The following VMP1 variants were observed in gnomAD, a reference collection of about 807,000 sequenced individuals.
VMP1 encodes the protein vacuole membrane protein 1.
Under a neutral mutation model 56.0 loss-of-function variants are expected in VMP1, and 11 were observed. The ratio of observed to expected loss-of-function variants is 0.20; its 90% CI spans 0.12 to 0.32. VMP1 has a LOEUF of 0.32. VMP1 is among the 10% of genes least tolerant of loss of function. VMP1 has a pLI of 1.00. For synonymous variants in VMP1, 149 were observed against 165.0 expected (o/e 0.90, Z 0.74); for missense variants, 296 against 490.3 (o/e 0.60, Z 3.74).
At chr17:59,740,515 G>C (rs1488015452) in intron 5 of VMP1, among the ~76,000 whole-genome samples, 1 of 152,298 alleles carries the variant, frequency 6.6e-6, no homozygotes, top group Middle Eastern at 3.4e-3. Flanking sequence ...GCTTGGCTCA[G>C]AAGGGTACTG....
At chr17:59,713,465 AGAAATACAAATACGG>A (rs2034013731) in intron 1 of VMP1, among the ~76,000 whole-genome samples, 1 of 152,136 alleles carries the variant, frequency 6.6e-6, no homozygotes, top group African/African-American at 2.4e-5. Context: ...GGTCAAAACC[AGAAATACAAATACGG>A]GATAGTATTT....
At chr17:59,777,666 T>G (rs1408185335) in intron 7 of VMP1, among the ~76,000 whole-genome samples, 1 of 151,926 alleles carries the variant, frequency 6.6e-6, no homozygotes, top group Non-Finnish European at 1.5e-5. Flanking sequence ...ATAAACAAAT[T>G]AGCTGGGTGT....
chr17:59,759,700 G>A (rs879478827), intron 5 of VMP1, among the ~76,000 whole-genome samples: 5 of 151,950 alleles, frequency 3.3e-5, no homozygotes, highest in Admixed American at 6.6e-5. Flanking sequence ...TATAGACAGC[G>A]TGTACTAATC....
intron 7 of VMP1, among the ~76,000 whole-genome samples, chr17:59,782,349 T>C (rs1265522354): frequency 1.3e-5 from 2 of 152,226 alleles, no homozygotes; most frequent in Non-Finnish European, 2.9e-5. Flanking sequence ...TCCAACACTA[T>C]TTTCCAAGTG....
intron 7 of VMP1, among the ~76,000 whole-genome samples, chr17:59,796,672 AT>A (rs1263722706): frequency 6.6e-6 from 1 of 152,220 alleles, no homozygotes; most frequent in Non-Finnish European, 1.5e-5. Context: ...AAAACTTAGC[AT>A]TTAAAATATT....
chr17:59,719,611 C>A (rs549121828), intron 1 of VMP1, among the ~76,000 whole-genome samples: 1 of 152,122 alleles, frequency 6.6e-6, no homozygotes, highest in African/African-American at 2.4e-5. Flanking sequence ...GTTCCAATAA[C>A]TCTTATGTTA....
chr17:59,763,859 G>T (rs191416026), intron 5 of VMP1, among the ~76,000 whole-genome samples: 8 of 152,094 alleles, frequency 5.3e-5, no homozygotes, highest in African/African-American at 1.9e-4. Flanking sequence ...ATAAAATCTC[G>T]TGTATATATA....
intron 2 of VMP1, among the ~76,000 whole-genome samples, chr17:59,732,498 C>T (rs2034866248): frequency 6.6e-6 from 1 of 152,168 alleles, no homozygotes; most frequent in Non-Finnish European, 1.5e-5. Flanking sequence ...CCACCTTGGC[C>T]TCCCAAAGTG....
At chr17:59,791,184 C>CTTTTTTT (rs200633751) in intron 7 of VMP1, among the ~76,000 whole-genome samples, 1 of 133,664 alleles carries the variant, frequency 7.5e-6, no homozygotes, top group Admixed American at 7.7e-5. Context: ...TCCCAGTTCC[C>CTTTTTTT]TTTTTTTTTT....
At chr17:59,811,103 A>T (rs1422234897) in intron 8 of VMP1, among the ~76,000 whole-genome samples, 1 of 152,252 alleles carries the variant, frequency 6.6e-6, no homozygotes, top group Admixed American at 6.5e-5. Flanking sequence ...GTAAAATAAA[A>T]TACAAATTAT....
At chr17:59,794,838 A>G (rs2037377615) in intron 7 of VMP1, among the ~76,000 whole-genome samples, 2 of 151,742 alleles carry the variant, frequency 1.3e-5, no homozygotes, top group Admixed American at 6.6e-5. Flanking sequence ...GAGTTTTAAG[A>G]TTAGTAATCA....
At chr17:59,709,626 A>G (rs2033829431) in intron 1 of VMP1, among the ~76,000 whole-genome samples, 1 of 152,216 alleles carries the variant, frequency 6.6e-6, no homozygotes, top group Non-Finnish European at 1.5e-5. Flanking sequence ...ATCTGAAAAT[A>G]TTATCACATA....
At chr17:59,801,455 T>C (rs1276859218) in intron 7 of VMP1, among the ~76,000 whole-genome samples, 1 of 151,900 alleles carries the variant, frequency 6.6e-6, no homozygotes, top group South Asian at 2.1e-4. Context: ...GGTCTCCTTA[T>C]GTTACCCAGG....
intron 1 of VMP1, among the ~76,000 whole-genome samples, chr17:59,714,764 G>A (rs1249630812): frequency 6.6e-6 from 1 of 151,968 alleles, no homozygotes; most frequent in East Asian, 1.9e-4. Context: ...TGACCTCCTA[G>A]GCTCAAGCAA....
At chr17:59,722,367 G>C (rs749970678) in intron 1 of VMP1, among the ~76,000 whole-genome samples, 7 of 152,182 alleles carry the variant, frequency 4.6e-5, no homozygotes, top group Non-Finnish European at 1.0e-4. Context: ...GCTGCACTGT[G>C]CTGGAGATAG....
chr17:59,750,338 G>C (rs1464976452), intron 5 of VMP1, among the ~76,000 whole-genome samples: 1 of 140,406 alleles, frequency 7.1e-6, no homozygotes, highest in Non-Finnish European at 1.5e-5. Flanking sequence ...TTTTGCTCTT[G>C]TTGCCCAGGC....
chr17:59,729,457 T>C (rs2034734676), intron 1 of VMP1, among the ~76,000 whole-genome samples: 1 of 139,612 alleles, frequency 7.2e-6, no homozygotes, highest in Admixed American at 7.8e-5. Context: ...CACTCCAGCC[T>C]GAGCGACAGA....
intron 7 of VMP1, among the ~76,000 whole-genome samples, chr17:59,803,002 T>TC (rs1318746639): frequency 5.9e-5 from 9 of 152,264 alleles, no homozygotes; most frequent in African/African-American, 1.7e-4. Flanking sequence ...CGCCTTGGCC[T>TC]CCAAAGTGCT....
intron 11 of VMP1, 168 bp downstream of exon 11, chr17:59,838,565 T>C (rs749358810): frequency 5.3e-5 from 34 of 646,562 alleles, no homozygotes; most frequent in Non-Finnish European, 9.3e-5. Flanking sequence ...GTCTTTGTCT[T>C]AGACTAGAAA....
Sources: gnomAD v4.1 joint callset for allele counts (sites outside exome capture counted in the v4.1 genomes callset) on GRCh38, gnomAD v4.1.1 for gene constraint, MANE v1.5 for transcripts, NCBI Gene and HGNC (gene_info 2026-07-23, HGNC 2026-07-21) for gene names.